The following MRPS5 variants were observed in gnomAD, a reference collection of about 807,000 sequenced individuals.
The protein encoded by MRPS5 is small ribosomal subunit protein uS5m.
A neutral mutation model predicts 51.9 loss-of-function variants in MRPS5; 27 were observed. The observed-to-expected ratio is 0.52, with a 90% CI of 0.38 to 0.72. MRPS5 has a LOEUF of 0.72. Ranked by LOEUF, MRPS5 falls within the 30% of genes least tolerant of loss-of-function variation. The pLI is 0.00. For missense variants in MRPS5, 570 were observed against 545.7 expected (o/e 1.04, Z -0.44); for synonymous variants, 196 against 193.2 (o/e 1.01, Z -0.12).
intron 11 of MRPS5, among the ~76,000 whole-genome samples, chr2:95,088,897 T>A (rs1406736747): frequency 1.3e-5 from 2 of 152,126 alleles, no homozygotes; most frequent in East Asian, 3.9e-4. Flanking sequence ...TGAAACCCCA[T>A]CTCTATTAAA....
chr2:95,109,380 A>G (rs944500004), intron 4 of MRPS5, among the ~76,000 whole-genome samples: 1 of 152,220 alleles, frequency 6.6e-6, no homozygotes, highest in East Asian at 1.9e-4. Context: ...TTCCAAAAGC[A>G]TGAGTATAAA....
chr2:95,102,462 G>T (rs1234573853), intron 7 of MRPS5, among the ~76,000 whole-genome samples: 3 of 152,132 alleles, frequency 2.0e-5, no homozygotes, highest in Non-Finnish European at 4.4e-5. Flanking sequence ...TCGAGTTCAA[G>T]ATGAGCCCGG....
intron 11 of MRPS5, among the ~76,000 whole-genome samples, chr2:95,090,122 A>T (rs1004943952): frequency 2.9e-5 from 4 of 138,350 alleles, no homozygotes; most frequent in Non-Finnish European, 6.1e-5. Flanking sequence ...GCTTGCAGTG[A>T]GCCGGGATCC....
In MRPS5 at chr2:95,087,091, C is replaced by T. The variant is rs1279906127; in HGVS notation, c.*266G>A. ...TTACTGATTGGGTCAAATTATTAAC[C>T]CCGTCTCCCTAATTCATTTACTTTT... On this transcript the variant is annotated 3_prime_UTR_variant, in exon 12 of 12. Transcript: ENST00000272418. 3 of 361,294 alleles carry T rather than the reference C, an allele frequency of 8.3e-6. No homozygotes were observed. The highest frequency in any genetic ancestry group is 1.5e-5 in the Non-Finnish European group (3 of 202,334). The allele number at this position is 361,294 out of a possible 1,614,324, so 22.4% of individuals were successfully genotyped here.
chr2:95,118,644 G>C (rs1464123609), intron 1 of MRPS5, among the ~76,000 whole-genome samples: 1 of 152,226 alleles, frequency 6.6e-6, no homozygotes, highest in Admixed American at 6.5e-5. Context: ...CACGCTGACT[G>C]TACTGTGTAC....
rs1675255982 is a variant in MRPS5, at chr2:95,085,371, T to C, written c.*1986A>G. Among the ~76,000 whole-genome samples, 1 of 152,216 alleles carries C rather than the reference T, an allele frequency of 6.6e-6. No homozygotes were observed. Among genetic ancestry groups the C allele is most frequent in the Non-Finnish European group, 1.5e-5 (1 of 68,040 alleles). On this transcript the variant is annotated 3_prime_UTR_variant, in exon 12 of 12. Transcript: ENST00000272418. ...CCGCAGATAGTAAGTACAGATAATT[T>C]TGTTTCCCCTCTCCAAAGGATCATT...
chr2:95,101,316 G>A (rs1308871670), intron 8 of MRPS5, among the ~76,000 whole-genome samples: 7 of 151,726 alleles, frequency 4.6e-5, no homozygotes, highest in African/African-American at 1.5e-4. Context: ...TTCAGGAGGC[G>A]GAGGTTGCAG....
chr2:95,121,930 G>C (rs370244214), upstream of MRPS5: 32 of 1,020,320 alleles, frequency 3.1e-5, no homozygotes, highest in East Asian at 3.2e-4. Context: ...GCGCAGGCCG[G>C]GGTGAGGGAC....
chr2:95,099,392 A>G (rs1293268271), intron 10 of MRPS5, among the ~76,000 whole-genome samples: 1 of 152,134 alleles, frequency 6.6e-6, no homozygotes, highest in East Asian at 1.9e-4. Context: ...AGTTTTTTTT[A>G]AAAAGTTTAT....
chr2:95,112,143 C>G (rs1388703224), intron 3 of MRPS5, among the ~76,000 whole-genome samples: 2 of 152,154 alleles, frequency 1.3e-5, no homozygotes, highest in Non-Finnish European at 2.9e-5. Context: ...CGGCTCACTG[C>G]AACCTCCGCC....
chr2:95,119,073 C>T (rs1033709831), intron 1 of MRPS5, among the ~76,000 whole-genome samples: 20 of 152,066 alleles, frequency 1.3e-4, no homozygotes. Context: ...CAGAATGGGA[C>T]AACAATTTTG....
intron 1 of MRPS5, among the ~76,000 whole-genome samples, chr2:95,120,006 T>C (rs1293389115): frequency 6.6e-6 from 1 of 152,164 alleles, no homozygotes; most frequent in Non-Finnish European, 1.5e-5. Flanking sequence ...GAGGCTGCAG[T>C]GAGCCGTGAT....
rs759244706 is a variant in MRPS5 at position 95,109,878 on chromosome 2, T to C, written c.403+38A>G. 8.2e-6 allele frequency: 13 copies of C among 1,592,478 alleles called. No individual in the cohort carries two copies. The South Asian group carries it at 1.5e-4, about 18-fold the overall frequency. Reference sequence around the variant, plus strand: ...ATCTATAAAATCTGGGGTAAGAAACTTACAAAGCACTTTAGCTATTTTTAT... The same window carrying C: ...ATCTATAAAATCTGGGGTAAGAAACCTACAAAGCACTTTAGCTATTTTTAT... On this transcript the variant is annotated intron_variant, in intron 4 of 11. Coordinates refer to ENST00000272418, the MANE Select transcript of MRPS5 (RefSeq NM_031902.5).
rs1413812645 is a variant in MRPS5, at chr2:95,087,023, A to G, written c.*334T>C. ...TCACTTTGGATGAATGAGTTCATATATATTAGCTATAATTACTACAGCAAT... is the reference window on the plus strand; with the variant it reads ...TCACTTTGGATGAATGAGTTCATATGTATTAGCTATAATTACTACAGCAAT... On this transcript the variant is annotated 3_prime_UTR_variant, in exon 12 of 12. Transcript: ENST00000272418. Among the ~76,000 whole-genome samples, 1 of 152,194 alleles carries G rather than the reference A, an allele frequency of 6.6e-6. No homozygotes were observed. The highest frequency in any genetic ancestry group is 1.5e-5 in the Non-Finnish European group (1 of 68,042).
At chr2:95,115,024 T>C (rs1676243757) in intron 3 of MRPS5, 42 bp downstream of exon 3, 10 of 1,461,082 alleles carry the variant, frequency 6.8e-6, no homozygotes, top group Non-Finnish European at 9.1e-6. Flanking sequence ...GAAATCCTTT[T>C]CCTGTTTCAA....
At chr2:95,093,408 G>C (rs1675528005) in intron 10 of MRPS5, 1 of 152,314 alleles carries the variant, frequency 6.6e-6, no homozygotes, top group African/African-American at 2.4e-5. Context: ...GCCTCCTCAA[G>C]TGGGCCCCTG....
chr2:95,088,125 A>T (rs981775021), intron 11 of MRPS5, among the ~76,000 whole-genome samples: 1 of 146,312 alleles, frequency 6.8e-6, no homozygotes, highest in Non-Finnish European at 1.5e-5. Flanking sequence ...CACATTGTGT[A>T]AAAAAAAAAA....
chr2:95,109,479 A>G (rs1433579755), intron 4 of MRPS5, among the ~76,000 whole-genome samples: 5 of 152,266 alleles, frequency 3.3e-5, no homozygotes, highest in Admixed American at 6.5e-5. Flanking sequence ...GTACTGGAAC[A>G]TAACGATGCC....
intron 7 of MRPS5, 108 bp from the exon 8 acceptor site, chr2:95,101,831 T>C: frequency 1.4e-6 from 1 of 695,486 alleles, no homozygotes; most frequent in Non-Finnish European, 2.5e-6. Context: ...ACTTCATCTT[T>C]CCACCACCCA....
Sources: gnomAD v4.1 joint callset for allele counts (sites outside exome capture counted in the v4.1 genomes callset) on GRCh38, gnomAD v4.1.1 for gene constraint, MANE v1.5 for transcripts, NCBI Gene and HGNC (gene_info 2026-07-23, HGNC 2026-07-21) for gene names.